THAP12: variants seen among roughly 807,000 people sequenced by gnomAD.
THAP12 encodes 52 kDa repressor of the inhibitor of the protein kinase.
A neutral mutation model predicts 63.0 loss-of-function variants in THAP12; 20 were observed. The ratio of observed to expected loss-of-function variants is 0.32; its 90% confidence interval spans 0.22 to 0.46. The LOEUF is 0.46. Among genes scored for constraint, THAP12 ranks in the 20% least tolerant of loss-of-function variants. THAP12 has a pLI of 1.00. For missense variants in THAP12, 568 were observed against 908.2 expected (o/e 0.63, Z 4.81); for synonymous variants, 264 against 328.4 (o/e 0.80, Z 2.12).
intron 1 of THAP12, among the ~76,000 whole-genome samples, chr11:76,374,236 G>A (rs1250430284): frequency 2.0e-5 from 3 of 152,088 alleles, no homozygotes; most frequent in African/African-American, 7.2e-5. Flanking sequence ...AGACCAATGA[G>A]CTTTTTCATG....
chr11:76,379,827 CACA>C (rs1946738526), intron 1 of THAP12, among the ~76,000 whole-genome samples: 1 of 152,068 alleles, frequency 6.6e-6, no homozygotes, highest in South Asian at 2.1e-4. Context: ...CCCCACTGCT[CACA>C]ACAATGCCAA....
intron 1 of THAP12, among the ~76,000 whole-genome samples, chr11:76,372,623 G>A (rs1459009082): frequency 1.3e-5 from 2 of 151,610 alleles, no homozygotes; most frequent in Non-Finnish European, 2.9e-5. Flanking sequence ...CGGGCATGGT[G>A]GCTCATAATA....
chr11:76,376,991 T>C (rs1322132315), intron 1 of THAP12, among the ~76,000 whole-genome samples: 1 of 152,180 alleles, frequency 6.6e-6, no homozygotes, highest in East Asian at 1.9e-4. Context: ...GCTCCTCTCC[T>C]CTGTTCCCAA....
chr11:76,367,959 C>G (rs758989440), intron 1 of THAP12, among the ~76,000 whole-genome samples: 4 of 152,102 alleles, frequency 2.6e-5, no homozygotes, highest in African/African-American at 4.8e-5. Flanking sequence ...AATTTAATCA[C>G]ACTTTTACAC....
chr11:76,368,416 T>C (rs993481505), intron 1 of THAP12: 1 of 152,166 alleles, frequency 6.6e-6, no homozygotes, highest in East Asian at 1.9e-4. Flanking sequence ...CCCAGTAAGT[T>C]TGTGAGAGAG....
At chr11:76,354,148 T>C (rs10793155) in intron 4 of THAP12, among the ~76,000 whole-genome samples, 52,962 of 152,046 alleles carry the variant, frequency 0.35, 9,608 homozygotes, top group Non-Finnish European at 0.41. Context: ...AGCACTAAGG[T>C]AGAAGAGGGA....
chr11:76,371,004 T>C (rs1946670661), intron 1 of THAP12, among the ~76,000 whole-genome samples: 1 of 152,090 alleles, frequency 6.6e-6, no homozygotes, highest in South Asian at 2.1e-4. Flanking sequence ...ATTGTTCTGT[T>C]CCCTGTACTC....
intron 1 of THAP12, among the ~76,000 whole-genome samples, chr11:76,376,624 G>GT (rs11300199): frequency 0.01 from 1,373 of 130,770 alleles, 26 homozygotes; most frequent in African/African-American, 0.034. Flanking sequence ...TGTTTTTTTT[G>GT]TTTTTTTTTT....
chr11:76,380,706 C>T, intron 1 of THAP12, 42 bp downstream of exon 1: 1 of 1,332,210 alleles, frequency 7.5e-7, no homozygotes, highest in South Asian at 1.8e-5. Flanking sequence ...GCGCTCACCG[C>T]GAAGGTGGGC....
At chr11:76,374,338 G>C (rs1946694074) in intron 1 of THAP12, among the ~76,000 whole-genome samples, 1 of 148,334 alleles carries the variant, frequency 6.7e-6, no homozygotes, top group Non-Finnish European at 1.5e-5. Context: ...GAAAATATTA[G>C]TTCAGTGAGT....
At chr11:76,359,816 C>G (rs1464004805) in intron 3 of THAP12, among the ~76,000 whole-genome samples, 1 of 148,124 alleles carries the variant, frequency 6.8e-6, no homozygotes, top group Non-Finnish European at 1.5e-5. Flanking sequence ...GAGAGTGAGA[C>G]TCTGTCTCGG....
In THAP12 at chr11:76,365,871, G is replaced by T; in HGVS notation, c.191C>A (p.Thr64Asn). The part of the protein sequence containing the change: ...HYRLCAKHFE[T>N]SMICRTSPYR... Reference sequence around the variant, plus strand: ...ACTCACAGTTCTACAGATCATAGAGGTCTCAAAATGTTTGGCACATAATCG... The same window carrying T: ...ACTCACAGTTCTACAGATCATAGAGTTCTCAAAATGTTTGGCACATAATCG... Residue 64 changes from threonine to asparagine, a missense_variant, in exon 2 of 5, where the codon ACC (threonine) becomes AAC (asparagine). Thr to Asn is a moderately conservative substitution (Grantham distance 65). Coordinates refer to ENST00000260045, the MANE Select transcript of THAP12 (RefSeq NM_004705.4). 1 of 1,612,946 alleles carries T rather than the reference G, an allele frequency of 6.2e-7. No individual in the cohort carries two copies. The highest frequency in any genetic ancestry group is 8.5e-7 in the Non-Finnish European group (1 of 1,179,466).
intron 1 of THAP12, among the ~76,000 whole-genome samples, chr11:76,371,689 C>G (rs774101876): frequency 5.4e-4 from 76 of 140,866 alleles, no homozygotes; most frequent in Non-Finnish European, 9.2e-4. Flanking sequence ...TAATCAATGC[C>G]AAGGAGGCTC....
At position 76,367,640 on chromosome 11, in the gene THAP12, C is replaced by T. The variant is rs530624902; in HGVS notation, c.90-1668G>A. 1.3e-3 allele frequency among the ~76,000 whole-genome samples: 201 copies of T among 151,788 alleles called. 2 individuals carry two copies. Among genetic ancestry groups the T allele is most frequent in the African/African-American group, 4.6e-3 (191 of 41,372 alleles). ...GTTTCAGCACGTTGGCTAGCTTGGT[C>T]TCGAACTCCAGATCGCAGGTGATCT... On this transcript the variant is annotated intron_variant, in intron 1 of 4. Transcript: ENST00000260045.
Position 76,351,920 on chromosome 11 carries a change from C to A in THAP12, c.1230G>T (p.Gln410His). ...GTTCTTTACCCCTTTCTTTACTGTTCTGAAAAAGAACAGAAATTACGTTGT... is the reference window on the plus strand; with the variant it reads ...GTTCTTTACCCCTTTCTTTACTGTTATGAAAAAGAACAGAAATTACGTTGT... The part of the protein sequence containing the change: ...ELDNVISVLF[Q>H]NSKERGKELK... Residue 410 changes from glutamine (Q) to histidine (H), a missense_variant, in exon 5 of 5, where the codon CAG becomes CAT. Physicochemically the swap from Gln to His is conservative, Grantham distance 24 (BLOSUM62 0). Transcript: ENST00000260045. The A allele has an allele frequency of 6.3e-7, 1 of 1,597,772 alleles. No individual in the cohort carries two copies. Among genetic ancestry groups the A allele is most frequent in the Non-Finnish European group, 8.5e-7 (1 of 1,174,644 alleles).
At chr11:76,367,930 C>T (rs1052648771) in intron 1 of THAP12, among the ~76,000 whole-genome samples, 1 of 152,142 alleles carries the variant, frequency 6.6e-6, no homozygotes, top group Non-Finnish European at 1.5e-5. Context: ...CTCACAGTAA[C>T]GATGCCTAAG....
chr11:76,365,196 C>T (rs945750381), intron 2 of THAP12, among the ~76,000 whole-genome samples: 5 of 151,254 alleles, frequency 3.3e-5, no homozygotes, highest in African/African-American at 7.3e-5. Context: ...GAGAGAGAAT[C>T]GCTTGAGCCC....
At chr11:76,360,274 A>C (rs1477026893) in intron 3 of THAP12, among the ~76,000 whole-genome samples, 1 of 152,234 alleles carries the variant, frequency 6.6e-6, no homozygotes, top group Non-Finnish European at 1.5e-5. Context: ...TAGCATGGAC[A>C]CCAACTGGTA....
intron 1 of THAP12, among the ~76,000 whole-genome samples, chr11:76,380,198 G>A (rs972944648): frequency 8.5e-5 from 13 of 152,196 alleles, no homozygotes; most frequent in Admixed American, 6.5e-4. Flanking sequence ...ACCCAAGCGA[G>A]AAAATGAGTA....
Sources: gnomAD v4.1 joint callset for allele counts (sites outside exome capture counted in the v4.1 genomes callset) on GRCh38, gnomAD v4.1.1 for gene constraint, MANE v1.5 for transcripts, NCBI Gene and HGNC (gene_info 2026-07-23, HGNC 2026-07-21) for gene names.